LUZP2: variants seen among roughly 807,000 people sequenced by gnomAD.
LUZP2 encodes the protein leucine zipper protein 2.
In LUZP2, 52 loss-of-function variants were observed where a neutral mutation model predicts 51.6. The observed-to-expected ratio is 1.01, with a 90% CI of 0.81 to 1.27. The LOEUF (loss-of-function observed/expected upper bound fraction) is 1.27. LUZP2 is among the 50% of genes most tolerant of loss of function. The pLI, the probability that LUZP2 is intolerant of heterozygous loss-of-function variation, is 0.00. For synonymous variants in LUZP2, 154 were observed against 137.3 expected, an observed-to-expected ratio of 1.12 and a Z score of -0.85; for missense variants, 436 against 395.4, an observed-to-expected ratio of 1.10 and a Z score of -0.87.
chr11:24,604,114 C>A (rs1163721463), intron 1 of LUZP2, among the ~76,000 whole-genome samples: 1 of 151,790 alleles, frequency 6.6e-6, no homozygotes, highest in African/African-American at 2.4e-5. Context: ...AAAATTAGAA[C>A]TATCACTCTG....
At chr11:24,670,006 A>C (rs759175273) in intron 1 of LUZP2, among the ~76,000 whole-genome samples, 38 of 152,228 alleles carry the variant, frequency 2.5e-4, no homozygotes, top group Non-Finnish European at 5.0e-4. Flanking sequence ...ATTAAAAAAA[A>C]CTAAAACATA....
At chr11:24,784,487 T>C (rs1211501512) in intron 5 of LUZP2, among the ~76,000 whole-genome samples, 1 of 152,044 alleles carries the variant, frequency 6.6e-6, no homozygotes, top group Non-Finnish European at 1.5e-5. Flanking sequence ...AAGTTGCTTA[T>C]TGATTCTGTC....
Position 24,886,856 on chromosome 11 carries a change from C to A in LUZP2, c.397-19135C>A, listed in dbSNP as rs191655801. The stretch of plus-strand genomic sequence containing the variant: ...TGTGTTCATCTCTCAAAGTTCCCTG[C>A]CTGCTAATACCATCACACTGGTGAT... On this transcript the variant is annotated intron_variant, in intron 5 of 11. Coordinates refer to ENST00000336930, the MANE Select transcript of LUZP2 (RefSeq NM_001009909.4). 2.7e-3 allele frequency among the ~76,000 whole-genome samples: 404 copies of A among 152,258 alleles called. 7 individuals are homozygous for A. Among genetic ancestry groups the A allele is most frequent in the Non-Finnish European group, 5.6e-4 (38 of 68,016 alleles).
chr11:24,546,402 G>A (rs1851543728), intron 1 of LUZP2, among the ~76,000 whole-genome samples: 1 of 152,060 alleles, frequency 6.6e-6, no homozygotes, highest in South Asian at 2.1e-4. Context: ...TGTTTAGTAT[G>A]AGGATGACTG....
At chr11:24,890,350 T>C (rs1355490841) in intron 5 of LUZP2, among the ~76,000 whole-genome samples, 1 of 152,180 alleles carries the variant, frequency 6.6e-6, no homozygotes, top group Admixed American at 6.5e-5. Context: ...AATAATAACA[T>C]GATTAATTCA....
chr11:24,575,120 T>G lies in LUZP2; in HGVS notation c.62+77815T>G, dbSNP rs1299234160. On this transcript the variant is annotated intron_variant, in intron 1 of 11. Coordinates refer to ENST00000336930, the MANE Select transcript of LUZP2 (RefSeq NM_001009909.4). ...TTTTTAAGCTTCGACCATTTCAAAT[T>G]TCAAGTCATTTTAAAATTCAGTTGA... Among the ~76,000 whole-genome samples, 5 of 152,082 alleles carry G rather than the reference T, an allele frequency of 3.3e-5. No individual in the cohort carries two copies. In the East Asian group the frequency reaches 9.6e-4, roughly 29 times the overall value.
intron 5 of LUZP2, among the ~76,000 whole-genome samples, chr11:24,799,335 C>T (rs766987311): frequency 4.6e-5 from 7 of 152,106 alleles, no homozygotes; most frequent in South Asian, 2.1e-4. Context: ...TGGTGGCTCA[C>T]GCCAGTAATT....
chr11:25,026,781 A>G (rs116868225), intron 9 of LUZP2, among the ~76,000 whole-genome samples: 2,416 of 152,120 alleles, frequency 0.016, 38 homozygotes, highest in Non-Finnish European at 0.02. Flanking sequence ...TGTCATTGCT[A>G]TCCACCCTAT....
At chr11:24,977,805 C>G (rs1855920190) in intron 8 of LUZP2, among the ~76,000 whole-genome samples, 1 of 151,096 alleles carries the variant, frequency 6.6e-6, no homozygotes, top group Non-Finnish European at 1.5e-5. Context: ...ATTTTATTAT[C>G]AAAATTTTGC....
chr11:24,991,376 ATGTGTGTGTGTGTGTGTGTG>A (rs745691448), intron 9 of LUZP2, among the ~76,000 whole-genome samples: 20 of 126,204 alleles, frequency 1.6e-4, no homozygotes, highest in Non-Finnish European at 3.0e-4. Flanking sequence ...GTGTATATAT[ATGTGTGTGTGTGTGTGTGTG>A]TATATATATA....
intron 1 of LUZP2, among the ~76,000 whole-genome samples, chr11:24,658,040 C>T (rs1336531168): frequency 6.6e-6 from 1 of 152,158 alleles, no homozygotes; most frequent in Non-Finnish European, 1.5e-5. Context: ...CATCAAGCTA[C>T]AAATGACTTT....
chr11:25,065,580 C>T (rs759289437), intron 10 of LUZP2, among the ~76,000 whole-genome samples: 3 of 152,060 alleles, frequency 2.0e-5, no homozygotes, highest in South Asian at 2.1e-4. Flanking sequence ...CCGTCACCCA[C>T]GGGGTTTAAC....
chr11:24,735,249 G>A (rs1254162947), intron 3 of LUZP2, among the ~76,000 whole-genome samples: 1 of 151,854 alleles, frequency 6.6e-6, no homozygotes, highest in Non-Finnish European at 1.5e-5. Flanking sequence ...ATGTTGGCTT[G>A]AGCGTCACGT....
rs71044331 is a variant in LUZP2 at position 25,050,291 on chromosome 11, C to CTTTTTTTTTTTT, written c.858+178_858+189dup. On this transcript the variant is annotated intron_variant, in intron 10 of 11. Transcript: ENST00000336930. ...TAAGAAAGTAAATGTTCTTTATGTT[C>CTTTTTTTTTTTT]TTTTTTTTTTTTTTTTTTTTTTTTT... is the stretch of plus-strand genomic sequence containing the variant. Among the ~76,000 whole-genome samples, 152 of 77,160 alleles carry CTTTTTTTTTTTT rather than the reference C, an allele frequency of 2.0e-3. 24 individuals carry two copies. Among genetic ancestry groups the CTTTTTTTTTTTT allele is most frequent in the Non-Finnish European group, 2.9e-3 (121 of 41,344 alleles). The allele number at this position is 77,160 out of a possible 152,430, so 50.6% of individuals were successfully genotyped here.
At chr11:24,872,313 T>C (rs1852104556) in intron 5 of LUZP2, among the ~76,000 whole-genome samples, 1 of 152,148 alleles carries the variant, frequency 6.6e-6, no homozygotes, top group Admixed American at 6.6e-5. Flanking sequence ...CTCTGCACAA[T>C]GTTTGCTACT....
At chr11:24,632,943 A>G (rs1269162954) in intron 1 of LUZP2, among the ~76,000 whole-genome samples, 1 of 152,032 alleles carries the variant, frequency 6.6e-6, no homozygotes, top group Non-Finnish European at 1.5e-5. Context: ...TATGTACTGC[A>G]ACCAATGGAT....
At chr11:25,017,182 C>G (rs376439337) in intron 9 of LUZP2, among the ~76,000 whole-genome samples, 1 of 152,252 alleles carries the variant, frequency 6.6e-6, no homozygotes, top group Non-Finnish European at 1.5e-5. Flanking sequence ...AGTCCTATGA[C>G]AGAGGCATAG....
At chr11:24,533,164 A>G (rs958872789) in intron 1 of LUZP2, among the ~76,000 whole-genome samples, 6 of 151,046 alleles carry the variant, frequency 4.0e-5, no homozygotes, top group African/African-American at 1.5e-4. Flanking sequence ...TCCATTGGAT[A>G]CCCCCTCCCT....
chr11:24,500,217 C>G (rs1436946559), intron 1 of LUZP2, among the ~76,000 whole-genome samples: 1 of 152,108 alleles, frequency 6.6e-6, no homozygotes, highest in Admixed American at 6.6e-5. Flanking sequence ...CTCTGTTTTA[C>G]TGGTAAACCC....
Sources: gnomAD v4.1 joint callset for allele counts (sites outside exome capture counted in the v4.1 genomes callset) on GRCh38, gnomAD v4.1.1 for gene constraint, MANE v1.5 for transcripts, NCBI Gene and HGNC (gene_info 2026-07-23, HGNC 2026-07-21) for gene names.